The following SCFD1 variants were observed in gnomAD, a reference collection of about 807,000 sequenced individuals.
SCFD1 encodes sec1 family domain-containing protein 1.
Under a neutral mutation model 103.2 loss-of-function variants are expected in SCFD1, and 37 were observed. That is an observed-to-expected ratio of 0.36 (90% CI 0.28 to 0.47). SCFD1 has a LOEUF of 0.47. Ranked by LOEUF, SCFD1 falls within the 20% of genes least tolerant of loss-of-function variation. SCFD1 has a pLI of 1.00. For synonymous variants in SCFD1, 264 were observed against 245.0 expected (o/e 1.08, Z -0.73); for missense variants, 639 against 761.2 (o/e 0.84, Z 1.89).
intron 23 of SCFD1, among the ~76,000 whole-genome samples, chr14:30,723,069 T>C (rs1017553176): frequency 1.3e-5 from 2 of 152,172 alleles, no homozygotes; most frequent in Admixed American, 6.5e-5. Context: ...GGGCATACTT[T>C]GAAGAGGAAA....
chr14:30,708,032 G>A lies in SCFD1; in HGVS notation c.1596G>A (p.Met532Ile). The change falls in exon 19 of 25, where the codon ATG (methionine) becomes ATA (isoleucine). Residue 532 changes from methionine to isoleucine, a missense_variant. By Grantham distance (10) the Met-to-Ile change is conservative. Coordinates refer to ENST00000458591, the MANE Select transcript of SCFD1 (RefSeq NM_016106.4). Reference sequence around the variant, plus strand: ...TGAATACAGGATCACAGTTTGTGATGGAAGGAGTGAAGAACCTGGTTTTGA... The same window carrying A: ...TGAATACAGGATCACAGTTTGTGATAGAAGGAGTGAAGAACCTGGTTTTGA... ...RVMNTGSQFV[M>I]EGVKNLVLKQ... is the part of the protein sequence containing the mutation. 6.2e-7 allele frequency: 1 copy of A among 1,613,238 alleles called. No individual in the cohort carries two copies. Among genetic ancestry groups the A allele is most frequent in the Non-Finnish European group, 8.5e-7 (1 of 1,179,312 alleles).
At chr14:30,698,145 A>G (rs1034513758) in intron 15 of SCFD1, among the ~76,000 whole-genome samples, 13 of 152,348 alleles carry the variant, frequency 8.5e-5, no homozygotes, top group African/African-American at 2.9e-4. Flanking sequence ...TCCAAACTGT[A>G]CTTAAAATTT....
intron 23 of SCFD1, among the ~76,000 whole-genome samples, chr14:30,725,991 C>G (rs2139425894): frequency 6.6e-6 from 1 of 152,268 alleles, no homozygotes; most frequent in South Asian, 2.1e-4. Flanking sequence ...CAACAGTTAG[C>G]AACATGACTG....
chr14:30,702,090 C>T (rs933136609), intron 16 of SCFD1, among the ~76,000 whole-genome samples: 9 of 152,104 alleles, frequency 5.9e-5, no homozygotes, highest in Admixed American at 5.9e-4. Flanking sequence ...GATTTGGGAG[C>T]CTCTTAAAGG....
At chr14:30,636,361 G>A (rs1172187017) in intron 4 of SCFD1, among the ~76,000 whole-genome samples, 1 of 151,546 alleles carries the variant, frequency 6.6e-6, no homozygotes, top group African/African-American at 2.4e-5. Flanking sequence ...TATAGTTTTG[G>A]CTCTTACCTG....
intron 10 of SCFD1, among the ~76,000 whole-genome samples, chr14:30,666,263 G>T (rs981025444): frequency 2.6e-5 from 4 of 152,122 alleles, no homozygotes; most frequent in African/African-American, 9.7e-5. Flanking sequence ...ACTCAAAACC[G>T]CACAACTACC....
At chr14:30,698,539 G>A (rs2139327375) in intron 15 of SCFD1, among the ~76,000 whole-genome samples, 1 of 152,298 alleles carries the variant, frequency 6.6e-6, no homozygotes, top group South Asian at 2.1e-4. Flanking sequence ...AAGCAAACTC[G>A]GGGACCCACA....
chr14:30,650,433 TTTAGATA>T, intron 8 of SCFD1, 125 bp from the exon 9 acceptor site: 1 of 647,624 alleles, frequency 1.5e-6, no homozygotes, highest in Non-Finnish European at 2.8e-6. Context: ...AGCTAAAATA[TTTAGATA>T]TTAGATTTGC....
chr14:30,700,904 CTTATT>C (rs1891035592), intron 16 of SCFD1, among the ~76,000 whole-genome samples: 1 of 152,134 alleles, frequency 6.6e-6, no homozygotes, highest in Non-Finnish European at 1.5e-5. Context: ...AAAGGTTGAC[CTTATT>C]TTAAGATTGT....
At chr14:30,648,955 G>A (rs1161655665) in intron 7 of SCFD1, among the ~76,000 whole-genome samples, 1 of 140,422 alleles carries the variant, frequency 7.1e-6, no homozygotes, top group Non-Finnish European at 1.5e-5. Flanking sequence ...TAGCCTGGGT[G>A]ACAGAGTGAC....
Position 30,722,052 on chromosome 14 carries a change from A to G in SCFD1, c.1770+135A>G, listed in dbSNP as rs1419366676. On this transcript the variant is annotated intron_variant, in intron 22 of 24. Coordinates refer to ENST00000458591, the MANE Select transcript of SCFD1 (RefSeq NM_016106.4). The stretch of plus-strand genomic sequence containing the variant: ...TTTGGCCTAGCAATTATATTTTTCT[A>G]ATTTATAAAGCTGCTTATATTTATA... The G allele has an allele frequency of 6.7e-6, 4 of 595,648 alleles. No homozygotes were observed. In the African/African-American group the frequency reaches 7.9e-5, roughly 12 times the overall value. 36.9% of individuals were successfully genotyped at this position (595,648 alleles called of 1,614,324 possible).
At chr14:30,734,973 A>T (rs901751474) in intron 24 of SCFD1, 115 bp downstream of exon 24, 1 of 728,872 alleles carries the variant, frequency 1.4e-6, no homozygotes, top group Non-Finnish European at 2.4e-6. Context: ...AACCAAAGCC[A>T]TCCAGCTATA....
At chr14:30,729,600 T>C (rs982504850) in intron 23 of SCFD1, among the ~76,000 whole-genome samples, 5 of 152,184 alleles carry the variant, frequency 3.3e-5, no homozygotes, top group Admixed American at 2.6e-4. Flanking sequence ...ATGGCTTCCT[T>C]AGTATGTTTT....
chr14:30,651,563 TG>T (rs1257325031), intron 9 of SCFD1, among the ~76,000 whole-genome samples: 2 of 136,422 alleles, frequency 1.5e-5, no homozygotes, highest in Non-Finnish European at 3.0e-5. Flanking sequence ...AATTCTCACC[TG>T]ATCTTTTTTT....
intron 14 of SCFD1, among the ~76,000 whole-genome samples, chr14:30,688,977 C>T (rs1348135740): frequency 2.1e-5 from 1 of 46,892 alleles, no homozygotes; most frequent in Non-Finnish European, 3.2e-5. Context: ...ATGTTTAGCG[C>T]TTCCTTCAGG....
At chr14:30,646,701 CTCT>C (rs1228019194) in intron 7 of SCFD1, among the ~76,000 whole-genome samples, 39 of 152,230 alleles carry the variant, frequency 2.6e-4, no homozygotes, top group African/African-American at 9.1e-4. Flanking sequence ...TTGGTGCCAG[CTCT>C]TCTTTGTATA....
chr14:30,630,834 T>A (rs1270701592), intron 3 of SCFD1: 2 of 330,216 alleles, frequency 6.1e-6, no homozygotes, highest in Admixed American at 9.5e-5. Flanking sequence ...CTCTTCCAGC[T>A]CTAAAAGTGT....
rs142065369 is a variant in SCFD1 at position 30,634,253 on chromosome 14, C to T, written c.312+216C>T. 7.0e-3 allele frequency among the ~76,000 whole-genome samples: 1,061 copies of T among 152,254 alleles called. 11 individuals carry two copies. The highest frequency in any genetic ancestry group is 0.01 in the Non-Finnish European group (682 of 67,998). On this transcript the variant is annotated intron_variant, in intron 4 of 24. Transcript: ENST00000458591. ...AGTAGTCCTCTCATGTCCACAGTTT[C>T]ACTTTCCACAGTTTCAGTTATCCAC...
At chr14:30,708,833 A>G (rs73254552) in intron 19 of SCFD1, among the ~76,000 whole-genome samples, 2,516 of 152,224 alleles carry the variant, frequency 0.017, 91 homozygotes, top group African/African-American at 0.057. Context: ...TTCATTTTGT[A>G]TATAGGACAC....
Sources: allele counts gnomAD v4.1 joint callset (sites outside exome capture counted in the v4.1 genomes callset), GRCh38; gene constraint gnomAD v4.1.1; transcripts MANE v1.5; gene names NCBI Gene and HGNC (gene_info 2026-07-23, HGNC 2026-07-21).